Variants in MSMB observed in about 807,000 individuals in gnomAD.
MSMB encodes the protein beta-microseminoprotein.
MSMB carries 10 observed loss-of-function variants against 10.5 expected under a neutral mutation model. That is an observed-to-expected ratio of 0.95 (90% CI 0.59 to 1.62). MSMB has a LOEUF of 1.62. Ranked by LOEUF, MSMB falls within the 40% of genes most tolerant of loss-of-function variation. The pLI, the probability that MSMB is intolerant of heterozygous loss-of-function variation, is 0.00. For missense variants in MSMB, 126 were observed against 137.4 expected (o/e 0.92, Z 0.42); for synonymous variants, 43 against 46.5 (o/e 0.93, Z 0.30).
chr10:46,034,158 G>C (rs1459573383), intron 3 of MSMB, among the ~76,000 whole-genome samples: 2 of 152,130 alleles, frequency 1.3e-5, no homozygotes, highest in Non-Finnish European at 2.9e-5. Context: ...TGTCACCCAG[G>C]ATGGAGTGCA....
At chr10:46,044,364 C>G (rs979642198) in intron 1 of MSMB, among the ~76,000 whole-genome samples, 10 of 151,510 alleles carry the variant, frequency 6.6e-5, no homozygotes, top group African/African-American at 2.2e-4. Flanking sequence ...ATCATGAGGT[C>G]AGGAGATCGA....
intron 1 of MSMB, among the ~76,000 whole-genome samples, chr10:46,041,401 T>G (rs1840749910): frequency 6.6e-6 from 1 of 152,102 alleles, no homozygotes; most frequent in African/African-American, 2.4e-5. Context: ...TTGTTGTAAT[T>G]TTGTCTTTTG....
intron 2 of MSMB, 96 bp downstream of exon 2, chr10:46,039,890 G>GAAAT: frequency 1.0e-6 from 1 of 956,672 alleles, no homozygotes; most frequent in Non-Finnish European, 1.6e-6. Flanking sequence ...AAAAAACAAA[G>GAAAT]AAACAAACAA....
chr10:46,040,187 TG>T, intron 1 of MSMB, 96 bp from the exon 2 acceptor site: 3 of 968,412 alleles, frequency 3.1e-6, no homozygotes, highest in Non-Finnish European at 4.7e-6. Context: ...TGGGCTCTGC[TG>T]AGAGGTTATG....
chr10:46,039,283 A>C (rs371569145), intron 2 of MSMB, among the ~76,000 whole-genome samples: 1 of 152,340 alleles, frequency 6.6e-6, no homozygotes, highest in African/African-American at 2.4e-5. Context: ...TTCTTACAGA[A>C]AGCTTATATC....
At chr10:46,035,598 A>G (rs1438984604) in intron 3 of MSMB, among the ~76,000 whole-genome samples, 1 of 152,244 alleles carries the variant, frequency 6.6e-6, no homozygotes, top group Non-Finnish European at 1.5e-5. Context: ...TATCTAGAGT[A>G]GGCAAATTCA....
At position 46,040,082 on chromosome 10, in the gene MSMB, G is replaced by C; in HGVS notation, c.13C>G (p.Leu5Val). The C allele has an allele frequency of 6.2e-7, 1 of 1,613,538 alleles. No homozygotes were observed. Among genetic ancestry groups the C allele is most frequent in the East Asian group, 2.2e-5 (1 of 44,872 alleles). Residue 5 changes from leucine to valine, a missense_variant, in exon 2 of 4, where the codon CTG becomes GTG. Leu to Val is a conservative substitution (Grantham distance 32). Transcript: ENST00000582163. The stretch of plus-strand genomic sequence containing the variant: ...GTGGCAAAGATCACAACGCTGCCCA[G>C]GAGAACATTCTGTAATGTGAAGAAA... MNVLLGSVVIFATFV... is the reference protein window; with the variant it reads MNVLVGSVVIFATFV...
At chr10:46,041,237 C>T (rs1474346338) in intron 1 of MSMB, among the ~76,000 whole-genome samples, 9 of 150,424 alleles carry the variant, frequency 6.0e-5, no homozygotes, top group South Asian at 2.1e-4. Flanking sequence ...CCCAGGTACT[C>T]GGGAGGCTGA....
At chr10:46,039,220 T>C (rs1204201572) in intron 2 of MSMB, 149 bp from the exon 3 acceptor site, 1 of 685,356 alleles carries the variant, frequency 1.5e-6, no homozygotes, top group Non-Finnish European at 2.6e-6. Context: ...GGTGCTCCTG[T>C]ATTCACCCAC....
intron 1 of MSMB, among the ~76,000 whole-genome samples, chr10:46,043,053 G>A (rs1554928848): frequency 3.9e-5 from 6 of 152,238 alleles, no homozygotes; most frequent in East Asian, 1.9e-4. Context: ...CCTTCAGCTC[G>A]AAATCATTGT....
chr10:46,034,818 C>A (rs1840562761), intron 3 of MSMB, among the ~76,000 whole-genome samples: 1 of 149,762 alleles, frequency 6.7e-6, no homozygotes, highest in Non-Finnish European at 1.5e-5. Flanking sequence ...GAGCAAGATT[C>A]CATCTCAAAA....
At chr10:46,045,779 C>T (rs557363206) in intron 1 of MSMB, among the ~76,000 whole-genome samples, 3 of 152,088 alleles carry the variant, frequency 2.0e-5, no homozygotes, top group African/African-American at 7.2e-5. Flanking sequence ...AGTTTGGGAG[C>T]CCCTGGCAGG....
chr10:46,039,202 C>T, intron 2 of MSMB, 131 bp from the exon 3 acceptor site: 1 of 750,724 alleles, frequency 1.3e-6, no homozygotes, highest in African/African-American at 1.7e-5. Flanking sequence ...TTAAAGGTAT[C>T]TAAGAATGGT....
At chr10:46,044,627 C>T (rs1402877393) in intron 1 of MSMB, among the ~76,000 whole-genome samples, 1 of 128,020 alleles carries the variant, frequency 7.8e-6, no homozygotes, top group Non-Finnish European at 1.6e-5. Flanking sequence ...AGGTAAATTA[C>T]TGCTCCTGGA....
chr10:46,043,627 T>C lies in MSMB; in HGVS notation c.3+2608A>G, dbSNP rs1031107083. On this transcript the variant is annotated intron_variant, in intron 1 of 3. Transcript: ENST00000582163. ...AATGACCAACCCAGTGCTGCTTTAA[T>C]GTGCATATAAATTCCTGGGAGTTTT... 6.6e-5 allele frequency among the ~76,000 whole-genome samples: 10 copies of C among 152,256 alleles called. No individual in the cohort carries two copies. In the South Asian group the frequency reaches 8.3e-4, roughly 13 times the overall value.
rs1457259671 is a variant in MSMB at position 46,043,940 on chromosome 10, G to T, written c.3+2295C>A. On this transcript the variant is annotated intron_variant, in intron 1 of 3. Transcript: ENST00000582163. The stretch of plus-strand genomic sequence containing the variant: ...TCCGCCCGCCTCGGCCTCCCAAAGT[G>T]CTGGGATTATGGGCGTGAGCCACCG... Among the ~76,000 whole-genome samples the T allele has an allele frequency of 2.0e-5, 3 of 152,060 alleles. No homozygotes were observed. In the East Asian group the frequency reaches 5.8e-4, roughly 30 times the overall value.
intron 1 of MSMB, among the ~76,000 whole-genome samples, chr10:46,045,572 C>G (rs1381682927): frequency 6.6e-6 from 1 of 152,096 alleles, no homozygotes; most frequent in Non-Finnish European, 1.5e-5. Flanking sequence ...GCCCCAAACC[C>G]AAGATTTTTC....
At chr10:46,041,217 C>T (rs374585687) in intron 1 of MSMB, among the ~76,000 whole-genome samples, 20 of 151,834 alleles carry the variant, frequency 1.3e-4, no homozygotes, top group African/African-American at 3.9e-4. Context: ...TGGCGGCACA[C>T]GCCAGTAATC....
intron 3 of MSMB, among the ~76,000 whole-genome samples, chr10:46,035,340 G>A (rs1212957189): frequency 6.6e-6 from 1 of 152,160 alleles, no homozygotes; most frequent in African/African-American, 2.4e-5. Flanking sequence ...TTTGTATATT[G>A]ACAAACACTG....
Sources: allele counts gnomAD v4.1 joint callset (sites outside exome capture counted in the v4.1 genomes callset), GRCh38; gene constraint gnomAD v4.1.1; transcripts MANE v1.5; gene names NCBI Gene and HGNC (gene_info 2026-07-23, HGNC 2026-07-21).